ACSF3: variants seen among roughly 807,000 people sequenced by gnomAD.
ACSF3 encodes malonate--CoA ligase ACSF3, mitochondrial.
Under a neutral mutation model 53.2 loss-of-function variants are expected in ACSF3, and 78 were observed. That is an observed-to-expected ratio of 1.47 (90% confidence interval 1.22 to 1.77). The LOEUF (loss-of-function observed/expected upper bound fraction) is 1.77. ACSF3 is among the 40% of genes most tolerant of loss of function. ACSF3 has a pLI of 0.00. For synonymous variants in ACSF3, 414 were observed against 333.1 expected (o/e 1.24, Z -2.65); for missense variants, 937 against 771.1 (o/e 1.22, Z -2.55).
Position 89,109,245 on chromosome 16 carries a change from A to G in ACSF3, c.823-2847A>G, listed in dbSNP as rs552395576. 5.3e-3 allele frequency among the ~76,000 whole-genome samples: 728 copies of G among 136,830 alleles called. 6 individuals carry two copies. Among genetic ancestry groups the G allele is most frequent in the Non-Finnish European group, 8.5e-3 (548 of 64,498 alleles). 89.8% of individuals were successfully genotyped at this position (136,830 alleles called of 152,430 possible). A position where few individuals can be genotyped will look rare whatever the true frequency, so the allele number is the denominator to read the frequency against. On this transcript the variant is annotated intron_variant, in intron 4 of 10. Transcript: ENST00000614302. The stretch of plus-strand genomic sequence containing the variant: ...AGACTGTCTCAAAAAAAAAAAAAAA[A>G]AAAAAGAAAAGAAAAGAAACTGGCA...
chr16:89,133,206 G>A lies in ACSF3; in HGVS notation c.1310G>A (p.Trp437Ter), dbSNP rs1243213118. Residue 437 changes from tryptophan to a stop codon, truncating the protein, a stop_gained, in exon 8 of 11, where the codon TGG becomes TAG. Transcript: ENST00000614302. LOFTEE classifies it high-confidence loss of function. ...GGACCCTCCGTGTTTCGAGAATACT[G>A]GAATAAACCAGAAGAAACTAAGAGT... is the stretch of plus-strand genomic sequence containing the variant. ...VRGPSVFREYWNKPEETKSAF... is the reference protein window; with the variant it reads ...VRGPSVFREY The A allele has an allele frequency of 3.7e-6, 6 of 1,614,140 alleles. No homozygotes were observed. The highest frequency in any genetic ancestry group is 3.3e-5 in the Admixed American group (2 of 60,028).
intron 6 of ACSF3, 42 bp downstream of exon 6, chr16:89,114,529 TCTGAGC>T: frequency 6.2e-7 from 1 of 1,604,130 alleles, no homozygotes; most frequent in Non-Finnish European, 8.5e-7. Flanking sequence ...TCCACTGTGC[TCTGAGC>T]CCCCCAAGGT....
rs190927208 is a variant in ACSF3, at chr16:89,114,332, C to G, written c.978-7C>G. On this transcript the variant is annotated splice_region_variant and splice_polypyrimidine_tract_variant and intron_variant, in intron 5 of 10. Coordinates refer to ENST00000614302, the MANE Select transcript of ACSF3 (RefSeq NM_001243279.3). ...GGGCTAAACCTGCCTTTGGTTGTGC[C>G]GCGTAGGCTGATGGTCTCAGGCTCA... 2 of 1,613,794 alleles carry G rather than the reference C, an allele frequency of 1.2e-6. No individual in the cohort carries two copies. Among genetic ancestry groups the G allele is most frequent in the Non-Finnish European group, 1.7e-6 (2 of 1,180,030 alleles).
At chr16:89,128,403 G>A (rs1264629655) in intron 7 of ACSF3, among the ~76,000 whole-genome samples, 1 of 151,870 alleles carries the variant, frequency 6.6e-6, no homozygotes, top group African/African-American at 2.4e-5. Flanking sequence ...TGGGAGTATA[G>A]GCATGCGCCA....
chr16:89,101,419 A>G, intron 3 of ACSF3, 72 bp downstream of exon 3: 4 of 1,546,456 alleles, frequency 2.6e-6, no homozygotes, highest in Non-Finnish European at 3.5e-6. Flanking sequence ...GGCCAGAAGC[A>G]CATCTTTTCA....
intron 10 of ACSF3, chr16:89,149,440 G>GGC (rs2151575955): frequency 6.6e-6 from 1 of 150,598 alleles, no homozygotes; most frequent in South Asian, 2.3e-4. Context: ...CGTGGCTGGT[G>GGC]ACACCCCCAA....
At chr16:89,134,126 G>A (rs2151524284) in intron 8 of ACSF3, among the ~76,000 whole-genome samples, 1 of 152,362 alleles carries the variant, frequency 6.6e-6, no homozygotes, top group East Asian at 1.9e-4. Flanking sequence ...TTACTAGGGG[G>A]TCCTTGCTCC....
In ACSF3 at chr16:89,153,914, C is replaced by G. The variant is rs900138775; in HGVS notation, c.1614-176C>G. 4.6e-6 allele frequency: 3 copies of G among 652,502 alleles called. No homozygotes were observed. In the East Asian group the frequency reaches 8.2e-5, roughly 18 times the overall value. The allele number at this position is 652,502 out of a possible 1,614,324, so 40.4% of individuals were successfully genotyped here. A position where few individuals can be genotyped will look rare whatever the true frequency, so the allele number is the denominator to read the frequency against. On this transcript the variant is annotated intron_variant, in intron 10 of 10. Coordinates refer to ENST00000614302, the MANE Select transcript of ACSF3 (RefSeq NM_001243279.3). ...ACCTCCTGCAGTCACCACCCCTGGG[C>G]TGCTAGGGCAGAGACAGCTGCGGTG...
At chr16:89,136,035 A>G (rs1355526160) in intron 8 of ACSF3, among the ~76,000 whole-genome samples, 1 of 152,238 alleles carries the variant, frequency 6.6e-6, no homozygotes, top group East Asian at 1.9e-4. Context: ...TCGGCCTCCC[A>G]CAGTGCTGGG....
At chr16:89,144,671 T>A (rs1323690494) in intron 8 of ACSF3, among the ~76,000 whole-genome samples, 1 of 152,228 alleles carries the variant, frequency 6.6e-6, no homozygotes, top group East Asian at 1.9e-4. Context: ...CCTGCCTGCA[T>A]GAGGGGCGGC....
intron 4 of ACSF3, among the ~76,000 whole-genome samples, chr16:89,111,214 A>G (rs539301246): frequency 7.2e-5 from 11 of 152,200 alleles, no homozygotes; most frequent in Admixed American, 3.3e-4. Context: ...GTGTCCTTAC[A>G]TGCTTTGTGA....
At position 89,098,095 on chromosome 16, in the gene ACSF3, C is replaced by T. The variant is rs937599296; in HGVS notation, c.-193-496C>T. 2.0e-5 allele frequency among the ~76,000 whole-genome samples: 3 copies of T among 152,284 alleles called. No individual in the cohort carries two copies. The South Asian group carries it at 6.2e-4, about 32-fold the overall frequency. On this transcript the variant is annotated intron_variant, in intron 1 of 10. Transcript: ENST00000614302. ...TCTCAAAAAAAAAACAAAAGAGCCC[C>T]AGGCTAGTGGGGAAACCAGACACCC...
intron 5 of ACSF3, among the ~76,000 whole-genome samples, chr16:89,112,897 C>T (rs992143398): frequency 1.3e-5 from 2 of 152,242 alleles, no homozygotes; most frequent in Admixed American, 6.5e-5. Context: ...CTGCCTGGGG[C>T]ACGTTCTGCT....
intron 8 of ACSF3, chr16:89,136,428 C>T (rs1910481663): frequency 9.9e-7 from 1 of 1,008,622 alleles, no homozygotes. Context: ...TTGTCACAGG[C>T]CATTAGCGAT....
chr16:89,133,285 T>A lies in ACSF3; in HGVS notation c.1366+23T>A, dbSNP rs759927049. On this transcript the variant is annotated intron_variant, in intron 8 of 10. Transcript: ENST00000614302. ...CAGGTAGGACCCAGCCCCATGGGAGTGGAGGAGACCCCGAGGGGACAGGCA... is the reference window on the plus strand; with the variant it reads ...CAGGTAGGACCCAGCCCCATGGGAGAGGAGGAGACCCCGAGGGGACAGGCA... 17 of 1,613,248 alleles carry A rather than the reference T, an allele frequency of 1.1e-5. No homozygotes were observed. In the South Asian group the frequency reaches 1.5e-4, roughly 15 times the overall value.
chr16:89,153,315 C>T (rs1202151386), intron 10 of ACSF3: 1 of 152,930 alleles, frequency 6.5e-6, no homozygotes, highest in African/African-American at 2.4e-5. Flanking sequence ...TTTCTTTCCT[C>T]CCTTCTTTAA....
Position 89,112,217 on chromosome 16 carries a change from C to A in ACSF3, c.948C>A (p.Phe316Leu). 1 of 1,614,210 alleles carries A rather than the reference C, an allele frequency of 6.2e-7. No individual in the cohort carries two copies. Among genetic ancestry groups the A allele is most frequent in the South Asian group, 1.1e-5 (1 of 91,084 alleles). ...RHFTQPHAQDFLRAVCEEKIR... is the reference protein window; with the variant it reads ...RHFTQPHAQDLLRAVCEEKIR... ...TTACCCAGCCGCACGCCCAGGATTT[C>A]TTGCGTGCAGTTTGTGAAGAAAAAA... Residue 316 changes from phenylalanine to leucine, a missense_variant, in exon 5 of 11, where the codon TTC (phenylalanine) becomes TTA (leucine). By Grantham distance (22) the Phe-to-Leu change is conservative (BLOSUM62 0). Transcript: ENST00000614302.
Position 89,134,206 on chromosome 16 carries a change from G to A in ACSF3, c.1366+944G>A, listed in dbSNP as rs541389085. ...GGCTGCTTCCAAGATGGTGGCAAGCGTCGTGTTCTCTGACCTGGGGTTCTT... is the reference window on the plus strand; with the variant it reads ...GGCTGCTTCCAAGATGGTGGCAAGCATCGTGTTCTCTGACCTGGGGTTCTT... On this transcript the variant is annotated intron_variant, in intron 8 of 10. Transcript: ENST00000614302. 4.7e-4 allele frequency among the ~76,000 whole-genome samples: 71 copies of A among 152,328 alleles called. 1 individual carries two copies. Among genetic ancestry groups the A allele is most frequent in the Admixed American group, 3.5e-3 (54 of 15,304 alleles).
At chr16:89,151,277 G>A (rs1311716474) in intron 10 of ACSF3, 1 of 445,674 alleles carries the variant, frequency 2.2e-6, no homozygotes, top group South Asian at 1.6e-5. Flanking sequence ...AAAGCAAATA[G>A]CAGGCCCAAA....
Sources: gnomAD v4.1 joint callset for allele counts (sites outside exome capture counted in the v4.1 genomes callset) on GRCh38, gnomAD v4.1.1 for gene constraint, MANE v1.5 for transcripts, NCBI Gene and HGNC (gene_info 2026-07-23, HGNC 2026-07-21) for gene names.